The following KIAA1671 variants were observed in gnomAD, a reference collection of about 807,000 sequenced individuals.
The protein encoded by KIAA1671 is uncharacterized protein KIAA1671.
In KIAA1671, 52 loss-of-function variants were observed where a neutral mutation model predicts 131.2. The observed-to-expected ratio is 0.40, with a 90% CI of 0.32 to 0.50. The LOEUF (loss-of-function observed/expected upper bound fraction) is 0.50, where lower values mean the gene tolerates loss of function less well. Ranked by LOEUF, KIAA1671 falls within the 20% of genes least tolerant of loss-of-function variation. The pLI is 0.73. For missense variants in KIAA1671, 2,360 were observed against 2,364.2 expected (o/e 1.00, Z 0.04); for synonymous variants, 1,003 against 961.6 (o/e 1.04, Z -0.80).
intron 6 of KIAA1671, among the ~76,000 whole-genome samples, chr22:25,127,540 C>G (rs1384912723): frequency 6.6e-6 from 1 of 152,148 alleles, no homozygotes; most frequent in African/African-American, 2.4e-5. Flanking sequence ...TCCCTGCCCC[C>G]CTTGCAAGAT....
rs1304793735 is a variant in KIAA1671 at position 25,041,011 on chromosome 22, C to T, written c.3881C>T (p.Pro1294Leu). The change falls in exon 5 of 13, where the codon CCT becomes CTT. Residue 1294 changes from proline to leucine, a missense_variant. Physicochemically the swap from Pro to Leu is moderately conservative, Grantham distance 98. Transcript: ENST00000358431. ...LETAMGTKSS[P>L]PFWALPPSAP... Reference sequence around the variant, plus strand: ...ACAGCCATGGGCACCAAATCTAGCCCTCCCTTCTGGGCTCTGCCACCCTCG... The same window carrying T: ...ACAGCCATGGGCACCAAATCTAGCCTTCCCTTCTGGGCTCTGCCACCCTCG... The T allele has an allele frequency of 1.8e-5, 27 of 1,480,468 alleles. No homozygotes were observed. Among genetic ancestry groups the T allele is most frequent in the Non-Finnish European group, 2.4e-5 (27 of 1,114,722 alleles). The allele number at this position is 1,480,468 out of a possible 1,614,324, so 91.7% of individuals were successfully genotyped here.
intron 6 of KIAA1671, among the ~76,000 whole-genome samples, chr22:25,115,153 A>T (rs145489970): frequency 4.6e-5 from 7 of 152,364 alleles, no homozygotes; most frequent in Admixed American, 1.3e-4. Context: ...AGGCAGGAAG[A>T]GGCACGTTTA....
rs544680492 is a variant in KIAA1671, at chr22:24,991,170, C to A, written c.-207-34463C>A. Among the ~76,000 whole-genome samples, 57 of 152,154 alleles carry A rather than the reference C, an allele frequency of 3.7e-4. No individual in the cohort carries two copies. In the South Asian group the frequency reaches 0.011, roughly 29 times the overall value. Reference sequence around the variant, plus strand: ...GAGTAGCTGGGACTACAGGCACACACCACCATGCCCAGCTAATTTTTTTTG... The same window carrying A: ...GAGTAGCTGGGACTACAGGCACACAACACCATGCCCAGCTAATTTTTTTTG... On this transcript the variant is annotated intron_variant, in intron 1 of 12. Coordinates refer to ENST00000358431, the MANE Select transcript of KIAA1671 (RefSeq NM_001145206.2).
rs369134521 is a variant in KIAA1671 at position 25,028,579 on chromosome 22, C to G, written c.580C>G (p.Pro194Ala). 7.5e-7 allele frequency: 1 copy of G among 1,341,814 alleles called. No individual in the cohort carries two copies. The highest frequency in any genetic ancestry group is 1.0e-6 in the Non-Finnish European group (1 of 1,004,844). The allele number at this position is 1,341,814 out of a possible 1,614,324, so 83.1% of individuals were successfully genotyped here. Residue 194 changes from proline (P) to alanine (A), a missense_variant, in exon 3 of 13, where the codon CCC (proline) becomes GCC (alanine). Transcript: ENST00000358431. Reference sequence around the variant, plus strand: ...CACCCAGAAGCCTGCGGGGACCCTTCCCCGGTCAGCTCCCCTGTCTCAGGA... The same window carrying G: ...CACCCAGAAGCCTGCGGGGACCCTTGCCCGGTCAGCTCCCCTGTCTCAGGA... ...LPTQKPAGTL[P>A]RSAPLSQDTK...
intron 6 of KIAA1671, among the ~76,000 whole-genome samples, chr22:25,072,201 A>G (rs1468883600): frequency 6.6e-6 from 1 of 152,196 alleles, no homozygotes; most frequent in East Asian, 1.9e-4. Flanking sequence ...CCTGGCCAGT[A>G]GAGGCTGGGC....
In KIAA1671 at chr22:25,161,463, T is replaced by C. The variant is rs112047525; in HGVS notation, c.4531-9357T>C. ...AGAGCCAACAGCTCAGACAGGGGCC[T>C]GTGGCACGATGGTGCCTTGTGTGTG... On this transcript the variant is annotated intron_variant, in intron 6 of 12. Coordinates refer to ENST00000358431, the MANE Select transcript of KIAA1671 (RefSeq NM_001145206.2). Among the ~76,000 whole-genome samples, 188 of 152,334 alleles carry C rather than the reference T, an allele frequency of 1.2e-3. 1 individual carries two copies. The highest frequency in any genetic ancestry group is 4.4e-3 in the African/African-American group (183 of 41,582).
At chr22:25,177,122 G>T in intron 8 of KIAA1671, 5 of 540,430 alleles carry the variant, frequency 9.3e-6, no homozygotes, top group Non-Finnish European at 1.6e-5. Context: ...GGCACTCAAG[G>T]TTCATTGTTC....
intron 4 of KIAA1671, among the ~76,000 whole-genome samples, chr22:25,035,402 C>G (rs1048197080): frequency 6.6e-6 from 1 of 152,092 alleles, no homozygotes; most frequent in South Asian, 2.1e-4. Context: ...ATGGCTGGAT[C>G]ATATGGTAGA....
chr22:25,120,622 G>C (rs373075590), intron 6 of KIAA1671, among the ~76,000 whole-genome samples: 1 of 152,266 alleles, frequency 6.6e-6, no homozygotes, highest in South Asian at 2.1e-4. Context: ...GGAACATATA[G>C]AAAAATGTAA....
At chr22:25,136,000 C>T (rs1932661085) in intron 6 of KIAA1671, among the ~76,000 whole-genome samples, 2 of 152,216 alleles carry the variant, frequency 1.3e-5, no homozygotes, top group Non-Finnish European at 2.9e-5. Context: ...AAGTGGCTTG[C>T]CCAAGGTCAC....
At chr22:25,029,736 G>A (rs1219063430) in intron 3 of KIAA1671, among the ~76,000 whole-genome samples, 196 bp downstream of exon 3, 1 of 152,248 alleles carries the variant, frequency 6.6e-6, no homozygotes, top group Non-Finnish European at 1.5e-5. Context: ...CTCTGGGTAT[G>A]GCCAGCCGGG....
intron 1 of KIAA1671, among the ~76,000 whole-genome samples, chr22:24,999,414 A>T (rs1196187893): frequency 1.3e-5 from 2 of 152,036 alleles, no homozygotes; most frequent in East Asian, 3.9e-4. Flanking sequence ...AATTTTTTGC[A>T]AAGACAGGGT....
chr22:25,133,584 G>T (rs1269303432), intron 6 of KIAA1671, among the ~76,000 whole-genome samples: 1 of 152,034 alleles, frequency 6.6e-6, no homozygotes, highest in Non-Finnish European at 1.5e-5. Flanking sequence ...GCTGTGTTGT[G>T]GAGGCTGGAG....
intron 1 of KIAA1671, among the ~76,000 whole-genome samples, chr22:24,992,287 A>T (rs1316002992): frequency 1.3e-5 from 2 of 152,194 alleles, no homozygotes; most frequent in Admixed American, 6.5e-5. Context: ...TTCAGGGTTC[A>T]CATGGTGACT....
At chr22:25,067,695 GC>G (rs1928553694) in intron 6 of KIAA1671, among the ~76,000 whole-genome samples, 1 of 152,058 alleles carries the variant, frequency 6.6e-6, no homozygotes, top group South Asian at 2.1e-4. Flanking sequence ...CCTCCTTCCA[GC>G]CCCTTTCTCT....
At chr22:25,145,306 T>A (rs181403142) in intron 6 of KIAA1671, among the ~76,000 whole-genome samples, 1 of 152,290 alleles carries the variant, frequency 6.6e-6, no homozygotes, top group East Asian at 1.9e-4. Context: ...ATCAATGGCG[T>A]AGGAAAGCTG....
chr22:25,157,590 A>G (rs1409598557), intron 6 of KIAA1671, among the ~76,000 whole-genome samples: 5 of 152,186 alleles, frequency 3.3e-5, no homozygotes, highest in Admixed American at 3.3e-4. Context: ...TGTAGAGCTT[A>G]TATTAACAGA....
At chr22:25,114,120 A>G (rs1260264092) in intron 6 of KIAA1671, among the ~76,000 whole-genome samples, 1 of 152,158 alleles carries the variant, frequency 6.6e-6, no homozygotes, top group Non-Finnish European at 1.5e-5. Context: ...GCAGAGAACC[A>G]TTCCGTGTTG....
chr22:25,059,574 A>C (rs576381086), intron 6 of KIAA1671: 1 of 152,536 alleles, frequency 6.6e-6, no homozygotes, highest in East Asian at 1.9e-4. Flanking sequence ...GATGCACAAC[A>C]AACTAACCCG....
Sources: allele counts gnomAD v4.1 joint callset (sites outside exome capture counted in the v4.1 genomes callset), GRCh38; gene constraint gnomAD v4.1.1; transcripts MANE v1.5; gene names NCBI Gene and HGNC (gene_info 2026-07-23, HGNC 2026-07-21).